DNAH6: variants seen among roughly 807,000 people sequenced by gnomAD.
DNAH6 encodes the protein axonemal beta dynein heavy chain 6.
In DNAH6, 340 loss-of-function variants were observed where a neutral mutation model predicts 491.4. That is an observed-to-expected ratio of 0.69 (90% confidence interval 0.63 to 0.76). DNAH6 has a LOEUF of 0.76. Ranked by LOEUF, DNAH6 falls within the 30% of genes least tolerant of loss-of-function variation. The pLI is 0.00. For missense variants in DNAH6, 4,443 were observed against 4,972.2 expected (o/e 0.89, Z 3.20); for synonymous variants, 1,603 against 1,686.1 (o/e 0.95, Z 1.21).
chr2:84,511,083 C>G, the DNAH6 span, among the ~76,000 whole-genome samples: 2 of 152,146 alleles, frequency 1.3e-5, no homozygotes, highest in Non-Finnish European at 2.9e-5. Flanking sequence ...CTGGGAGAAC[C>G]ACTATTCTCT....
At chr2:84,557,228 A>G (rs72939171) in intron 10 of DNAH6, among the ~76,000 whole-genome samples, 1,676 of 152,286 alleles carry the variant, frequency 0.011, 28 homozygotes, top group African/African-American at 0.037. Context: ...GTCTCTCTCA[A>G]TTAGAAAACA....
intron 3 of DNAH6, among the ~76,000 whole-genome samples, chr2:84,525,964 C>A (rs568908810): frequency 6.6e-6 from 1 of 152,086 alleles, no homozygotes; most frequent in African/African-American, 2.4e-5. Context: ...TTCTGACCTT[C>A]TTTTGTATGA....
chr2:84,463,905 G>A, the DNAH6 span, among the ~76,000 whole-genome samples: 1 of 152,196 alleles, frequency 6.6e-6, no homozygotes, highest in African/African-American at 2.4e-5. Context: ...AAGATTTGGA[G>A]TTTTCTGCCT....
intron 37 of DNAH6, among the ~76,000 whole-genome samples, chr2:84,662,519 T>A (rs994700649): frequency 6.6e-6 from 1 of 152,182 alleles, no homozygotes; most frequent in Non-Finnish European, 1.5e-5. Flanking sequence ...CACAGCAGTC[T>A]GAGATCGAAC....
chr2:84,556,434 A>C (rs1450117527), intron 10 of DNAH6, among the ~76,000 whole-genome samples: 1 of 152,226 alleles, frequency 6.6e-6, no homozygotes, highest in Non-Finnish European at 1.5e-5. Context: ...CTTGGGCCCC[A>C]CACACAATGA....
Position 84,727,849 on chromosome 2 carries a change from C to G in DNAH6, c.10153C>G (p.Leu3385Val), listed in dbSNP as rs1019177427. ...CVEMMRQQGTLSDAEWNFFLR... is the reference protein window; with the variant it reads ...CVEMMRQQGTVSDAEWNFFLR... ...TGAGATGATGCGTCAGCAAGGAACC[C>G]TATCTGATGCTGAATGGAATTTCTT... Residue 3385 changes from leucine (L) to valine (V), a missense_variant, in exon 61 of 77, where the codon CTA becomes GTA. Physicochemically the swap from Leu to Val is conservative, Grantham distance 32 (BLOSUM62 1). Coordinates refer to ENST00000389394, the MANE Select transcript of DNAH6 (RefSeq NM_001370.2). The G allele has an allele frequency of 5.8e-6, 9 of 1,552,028 alleles. No homozygotes were observed. In the African/African-American group the frequency reaches 1.2e-4, roughly 21 times the overall value.
chr2:84,680,081 A>T (rs558107001), intron 41 of DNAH6, among the ~76,000 whole-genome samples: 2 of 152,350 alleles, frequency 1.3e-5, no homozygotes, highest in South Asian at 4.1e-4. Context: ...GACCATGTGG[A>T]GTATGTTAAA....
At chr2:84,474,695 C>T in the DNAH6 span, among the ~76,000 whole-genome samples, 221 of 152,214 alleles carry the variant, frequency 1.5e-3, 2 homozygotes, top group African/African-American at 4.7e-3. Flanking sequence ...CGTGACCATC[C>T]GACCCTTGAC....
chr2:84,542,807 T>C (rs368085292), intron 4 of DNAH6, among the ~76,000 whole-genome samples: 1 of 152,208 alleles, frequency 6.6e-6, no homozygotes, highest in East Asian at 1.9e-4. Flanking sequence ...CGTACATATA[T>C]ACATGAATTT....
intron 63 of DNAH6, among the ~76,000 whole-genome samples, chr2:84,762,147 G>A (rs576816234): frequency 7.9e-5 from 12 of 152,248 alleles, no homozygotes; most frequent in African/African-American, 1.4e-4. Flanking sequence ...AGGCCTGGGC[G>A]TAATCATCAA....
At chr2:84,706,073 G>A (rs1390645242) in intron 52 of DNAH6, among the ~76,000 whole-genome samples, 1 of 152,164 alleles carries the variant, frequency 6.6e-6, no homozygotes, top group African/African-American at 2.4e-5. Flanking sequence ...GTGCTTGATG[G>A]TGTCATCTGA....
chr2:84,688,189 C>T (rs1383555197), intron 44 of DNAH6, among the ~76,000 whole-genome samples: 2 of 149,666 alleles, frequency 1.3e-5, no homozygotes, highest in African/African-American at 2.5e-5. Flanking sequence ...GAGCTGAGAT[C>T]GCACCACTGC....
intron 63 of DNAH6, among the ~76,000 whole-genome samples, chr2:84,748,206 C>G (rs578205117): frequency 6.7e-6 from 1 of 149,950 alleles, no homozygotes; most frequent in South Asian, 2.1e-4. Flanking sequence ...AGAATCCTTT[C>G]CTGAAAATGC....
At chr2:84,508,432 A>C in the DNAH6 span, among the ~76,000 whole-genome samples, 4 of 151,848 alleles carry the variant, frequency 2.6e-5, no homozygotes, top group African/African-American at 9.7e-5. Context: ...ATCATTTTTT[A>C]TTGCGTCTAT....
Position 84,670,455 on chromosome 2 carries a change from G to C in DNAH6, c.6434G>C (p.Arg2145Thr), listed in dbSNP as rs1208124584. 6.6e-7 allele frequency: 1 copy of C among 1,525,178 alleles called. No homozygotes were observed. Among genetic ancestry groups the C allele is most frequent in the Non-Finnish European group, 8.8e-7 (1 of 1,137,590 alleles). 94.5% of individuals were successfully genotyped at this position (1,525,178 alleles called of 1,614,324 possible). ...TQEIIESKLERKRKNILGAPG... is the reference protein window; with the variant it reads ...TQEIIESKLETKRKNILGAPG... ...GAGATCATTGAGTCAAAACTGGAGA[G>C]AAAAAGAAAAAATATTCTAGGTAAG... Residue 2145 changes from arginine (R) to threonine (T), a missense_variant, in exon 39 of 77, where the codon AGA becomes ACA. Arg to Thr is a moderately conservative substitution (Grantham distance 71). This residue lies in a region of DNAH6 where 2,977 missense variants were observed against 3,296.6 expected (regional missense o/e 0.90). Transcript: ENST00000389394.
At chr2:84,564,102 TG>T (rs1680934825) in intron 11 of DNAH6, among the ~76,000 whole-genome samples, 1 of 152,224 alleles carries the variant, frequency 6.6e-6, no homozygotes, top group South Asian at 2.1e-4. Context: ...ACTGTAGCCT[TG>T]TAGCATAGTT....
At chr2:84,782,254 A>G (rs1676767160) in intron 65 of DNAH6, among the ~76,000 whole-genome samples, 1 of 152,214 alleles carries the variant, frequency 6.6e-6, no homozygotes, top group Admixed American at 6.5e-5. Context: ...AAGTGTTACT[A>G]TAAAAATAAT....
At chr2:84,713,336 C>T (rs1697228061) in intron 57 of DNAH6, 77 bp downstream of exon 57, 1 of 1,441,586 alleles carries the variant, frequency 6.9e-7, no homozygotes, top group South Asian at 1.4e-5. Flanking sequence ...TTGATGGGCT[C>T]CCACCCGGAG....
intron 73 of DNAH6, among the ~76,000 whole-genome samples, 170 bp from the exon 74 acceptor site, chr2:84,812,888 G>T (rs963390286): frequency 6.6e-6 from 1 of 152,164 alleles, no homozygotes; most frequent in Non-Finnish European, 1.5e-5. Flanking sequence ...CAGTCATCAG[G>T]CTGGCAGAAC....
Sources: allele counts gnomAD v4.1 joint callset (sites outside exome capture counted in the v4.1 genomes callset), GRCh38; gene constraint gnomAD v4.1.1; regional missense constraint gnomAD v4.1.1; transcripts MANE v1.5; gene names NCBI Gene and HGNC (gene_info 2026-07-23, HGNC 2026-07-21).